Variants in CDH13 observed in about 807,000 individuals in gnomAD.
CDH13 encodes the protein cadherin 13.
A neutral mutation model predicts 63.8 loss-of-function variants in CDH13; 24 were observed. The observed-to-expected ratio is 0.38, with a 90% confidence interval of 0.27 to 0.53. The LOEUF is 0.53. Among genes scored for constraint, CDH13 ranks in the 20% least tolerant of loss-of-function variants. The pLI is 0.85. For missense variants in CDH13, 1,049 were observed against 903.1 expected (o/e 1.16, Z -2.07); for synonymous variants, 503 against 355.3 (o/e 1.42, Z -4.67).
At chr16:83,089,039 T>C (rs1293767178) in intron 3 of CDH13, among the ~76,000 whole-genome samples, 1 of 152,218 alleles carries the variant, frequency 6.6e-6, no homozygotes, top group Non-Finnish European at 1.5e-5. Context: ...ATTTACTACC[T>C]GGTTCTTTAT....
In CDH13 at chr16:83,298,346, G is replaced by C. The variant is rs556572393; in HGVS notation, c.637-46516G>C. ...TGCAGGTAAAATATTATTTTTCTTA[G>C]AATGAAACCAAGCCAGCAAGAATAA... On this transcript the variant is annotated intron_variant, in intron 5 of 13. Coordinates refer to ENST00000567109, the MANE Select transcript of CDH13 (RefSeq NM_001257.5). 8.8e-4 allele frequency among the ~76,000 whole-genome samples: 134 copies of C among 152,254 alleles called. 1 individual carries two copies. The highest frequency in any genetic ancestry group is 3.2e-3 in the African/African-American group (131 of 41,556).
chr16:83,475,292 G>A (rs774140435), intron 6 of CDH13, among the ~76,000 whole-genome samples: 1 of 152,330 alleles, frequency 6.6e-6, no homozygotes, highest in East Asian at 1.9e-4. Flanking sequence ...CAAGAGTGCT[G>A]TGTGTCGTTT....
At chr16:83,761,907 A>C (rs549695078) in intron 11 of CDH13, among the ~76,000 whole-genome samples, 71 of 152,084 alleles carry the variant, frequency 4.7e-4, no homozygotes, top group African/African-American at 1.6e-3. Flanking sequence ...TCTCTACTAA[A>C]AATACAAAAA....
chr16:83,705,798 G>A (rs1480486027), intron 10 of CDH13, among the ~76,000 whole-genome samples: 2 of 152,176 alleles, frequency 1.3e-5, no homozygotes, highest in Non-Finnish European at 2.9e-5. Flanking sequence ...CAGGAGAAGA[G>A]GAGGGAATGT....
intron 3 of CDH13, among the ~76,000 whole-genome samples, chr16:83,088,029 G>A (rs1309533951): frequency 1.3e-5 from 2 of 152,152 alleles, no homozygotes; most frequent in African/African-American, 2.4e-5. Flanking sequence ...CAAGTATTAG[G>A]TTGGCGCAAA....
chr16:83,345,515 A>G (rs917279317), intron 6 of CDH13, among the ~76,000 whole-genome samples: 1 of 152,248 alleles, frequency 6.6e-6, no homozygotes, highest in Non-Finnish European at 1.5e-5. Context: ...GATGTTTGAT[A>G]TCTCTCTCTG....
In CDH13 at chr16:83,195,017, C is replaced by A. The variant is rs138406405; in HGVS notation, c.484-22328C>A. The stretch of plus-strand genomic sequence containing the variant: ...TATGAGAATATTCCAATAGAAATAA[C>A]CATAAAACATTCTTTCTCTTTGTTT... On this transcript the variant is annotated intron_variant, in intron 4 of 13. Transcript: ENST00000567109. Among the ~76,000 whole-genome samples the A allele has an allele frequency of 2.1e-3, 313 of 152,278 alleles. 3 individuals are homozygous for A. The highest frequency in any genetic ancestry group is 7.2e-3 in the African/African-American group (299 of 41,560).
intron 7 of CDH13, among the ~76,000 whole-genome samples, chr16:83,524,862 A>G (rs559734948): frequency 7.6e-4 from 115 of 152,232 alleles, no homozygotes; most frequent in African/African-American, 2.6e-3. Flanking sequence ...TCTAACACAG[A>G]AAAGCCACAG....
rs893746372 is a variant in CDH13 at position 82,758,747 on chromosome 16, A to G, written c.46-99615A>G. Among the ~76,000 whole-genome samples the G allele has an allele frequency of 5.4e-4, 82 of 152,260 alleles. 3 individuals carry two copies. Among genetic ancestry groups the G allele is most frequent in the Non-Finnish European group, 7.4e-5 (5 of 68,020 alleles). ...GTGTAACAGGCATTAGGCTGCTTCT[A>G]TTTTATCAGAGGATGGGGCCATGAT... On this transcript the variant is annotated intron_variant, in intron 1 of 13. Transcript: ENST00000567109.
chr16:82,913,655 C>A (rs1483472190), intron 2 of CDH13, among the ~76,000 whole-genome samples: 1 of 152,156 alleles, frequency 6.6e-6, no homozygotes, highest in Non-Finnish European at 1.5e-5. Flanking sequence ...GACGAGAGAG[C>A]TGCTGTGACA....
At chr16:83,191,770 G>A (rs532158593) in intron 4 of CDH13, among the ~76,000 whole-genome samples, 26 of 151,834 alleles carry the variant, frequency 1.7e-4, no homozygotes, top group African/African-American at 5.1e-4. Flanking sequence ...GGCTTTTCAC[G>A]TTTTTCTGCC....
At chr16:82,675,636 C>A (rs995149443) in intron 1 of CDH13, among the ~76,000 whole-genome samples, 1 of 152,064 alleles carries the variant, frequency 6.6e-6, no homozygotes, top group African/African-American at 2.4e-5. Context: ...TTTTTTGGTG[C>A]GGAGGCCACC....
chr16:82,929,406 C>A (rs1016909262), intron 2 of CDH13, among the ~76,000 whole-genome samples: 1 of 151,932 alleles, frequency 6.6e-6, no homozygotes, highest in East Asian at 1.9e-4. Flanking sequence ...CTTTGGGAGG[C>A]TGAGGCGGGG....
chr16:83,001,657 G>A (rs1042153256), intron 2 of CDH13, among the ~76,000 whole-genome samples: 22 of 152,308 alleles, frequency 1.4e-4, no homozygotes, highest in East Asian at 7.7e-4. Flanking sequence ...AGCGAATCTC[G>A]CATTTTGCTT....
chr16:83,171,417 T>A, intron 4 of CDH13: 1 of 954,632 alleles, frequency 1.0e-6, no homozygotes. Context: ...CAGTTGAACA[T>A]GAGATTTGGG....
At chr16:83,518,744 T>G (rs111681200) in intron 7 of CDH13, among the ~76,000 whole-genome samples, 3,183 of 152,216 alleles carry the variant, frequency 0.021, 103 homozygotes, top group African/African-American at 0.071. Context: ...GTGCTGGGAT[T>G]ACAGGTTTGA....
At chr16:83,623,339 C>T (rs1909985306) in intron 8 of CDH13, among the ~76,000 whole-genome samples, 1 of 152,146 alleles carries the variant, frequency 6.6e-6, no homozygotes, top group African/African-American at 2.4e-5. Context: ...TCACTTGGGC[C>T]CTTTCAGCGC....
chr16:82,933,744 A>G (rs922738848), intron 2 of CDH13, among the ~76,000 whole-genome samples: 1 of 152,198 alleles, frequency 6.6e-6, no homozygotes, highest in South Asian at 2.1e-4. Flanking sequence ...TCCAAATGGG[A>G]AAAACTGGCC....
At chr16:82,797,300 C>T (rs2036630027) in intron 1 of CDH13, among the ~76,000 whole-genome samples, 1 of 152,124 alleles carries the variant, frequency 6.6e-6, no homozygotes, top group Admixed American at 6.5e-5. Context: ...TTCAACAGTA[C>T]AGTGGTCAGT....
Sources: allele counts gnomAD v4.1 joint callset (sites outside exome capture counted in the v4.1 genomes callset), GRCh38; gene constraint gnomAD v4.1.1; transcripts MANE v1.5; gene names NCBI Gene and HGNC (gene_info 2026-07-23, HGNC 2026-07-21).